CD86: variants seen among roughly 807,000 people sequenced by gnomAD.
CD86 encodes T-lymphocyte activation antigen CD86.
A neutral mutation model predicts 32.1 loss-of-function variants in CD86; 11 were observed. The ratio of observed to expected loss-of-function variants is 0.34; its 90% CI spans 0.22 to 0.57. The LOEUF (loss-of-function observed/expected upper bound fraction) is 0.57, where lower values mean the gene tolerates loss of function less well. Ranked by LOEUF, CD86 falls within the 20% of genes least tolerant of loss-of-function variation. The probability of loss-of-function intolerance (pLI) is 0.86; values close to 1 mark genes in which losing one functional copy is unlikely to be tolerated. For missense variants in CD86, 359 were observed against 398.4 expected (o/e 0.90, Z 0.84); for synonymous variants, 137 against 135.3 (o/e 1.01, Z -0.09).
Position 122,109,405 on chromosome 3 carries a change from T to C in CD86, c.844T>C (p.Cys282Arg). The change falls in exon 5 of 7, where the codon TGT becomes CGT. Residue 282 changes from cysteine (C) to arginine (R), a missense_variant. Cys to Arg is a radical substitution (Grantham distance 180). Transcript: ENST00000330540. ...GAAGCGGCCTCGCAACTCTTATAAA[T>C]GTGGTGAGTGAGTCCTTGTCCTCCC... ...KKKRPRNSYK[C>R]GTNTMEREES... 2 of 1,614,088 alleles carry C rather than the reference T, an allele frequency of 1.2e-6. No individual in the cohort carries two copies. Among genetic ancestry groups the C allele is most frequent in the Non-Finnish European group, 1.7e-6 (2 of 1,179,950 alleles).
chr3:122,068,318 G>T (rs555587872), intron 1 of CD86, among the ~76,000 whole-genome samples: 3 of 151,750 alleles, frequency 2.0e-5, no homozygotes, highest in African/African-American at 4.8e-5. Flanking sequence ...TGTTAGTTTT[G>T]TTATGTATTA....
At position 122,119,559 on chromosome 3, in the gene CD86, AT is replaced by A. The variant is rs761342273; in HGVS notation, c.*27del. ...ATTAAAGAGTAAAGCCCATACAAGT[AT>A]TCATTTTTTCTACCCTTTCCTTTGT... On this transcript the variant is annotated 3_prime_UTR_variant, in exon 7 of 7. Coordinates refer to ENST00000330540, the MANE Select transcript of CD86 (RefSeq NM_175862.5). 2.1e-6 allele frequency: 3 copies of A among 1,421,568 alleles called. No homozygotes were observed. In the South Asian group the frequency reaches 3.6e-5, roughly 17 times the overall value. 88.1% of individuals were successfully genotyped at this position (1,421,568 alleles called of 1,614,324 possible).
chr3:122,114,103 T>C (rs2073214718), intron 5 of CD86, among the ~76,000 whole-genome samples: 2 of 151,838 alleles, frequency 1.3e-5, no homozygotes, highest in Non-Finnish European at 2.9e-5. Context: ...ATACAAAAAT[T>C]AGCTGGGTGT....
intron 1 of CD86, among the ~76,000 whole-genome samples, chr3:122,082,060 A>C (rs917988229): frequency 2.0e-5 from 3 of 152,234 alleles, no homozygotes; most frequent in Non-Finnish European, 2.9e-5. Context: ...TGTAATGAGA[A>C]TCTTAGAGGT....
chr3:122,118,145 G>T lies in CD86; in HGVS notation c.893+52G>T, dbSNP rs769514787. 9 of 1,475,790 alleles carry T rather than the reference G, an allele frequency of 6.1e-6. No individual in the cohort carries two copies. In the East Asian group the frequency reaches 1.6e-4, roughly 26 times the overall value. The allele number at this position is 1,475,790 out of a possible 1,614,324, so 91.4% of individuals were successfully genotyped here. A position where few individuals can be genotyped will look rare whatever the true frequency, so the allele number is the denominator to read the frequency against. On this transcript the variant is annotated intron_variant, in intron 6 of 6. Transcript: ENST00000330540. ...GAGAGAGAGGTATAATCCCCAGAGT[G>T]CCTGTTACTTGAATAGGCTTATGCC...
chr3:122,118,176 T>C (rs1576790813), intron 6 of CD86, 83 bp downstream of exon 6: 1 of 1,155,284 alleles, frequency 8.7e-7, no homozygotes, highest in Non-Finnish European at 1.3e-6. Flanking sequence ...ATGCCTAACA[T>C]ATGTTGAGAC....
At chr3:122,112,652 A>G (rs943995202) in intron 5 of CD86, among the ~76,000 whole-genome samples, 2 of 152,212 alleles carry the variant, frequency 1.3e-5, no homozygotes, top group African/African-American at 4.8e-5. Flanking sequence ...CTGAATTTGT[A>G]AGCAAATTTA....
At chr3:122,099,503 C>G (rs1286172029) in intron 2 of CD86, among the ~76,000 whole-genome samples, 2 of 152,234 alleles carry the variant, frequency 1.3e-5, no homozygotes, top group Non-Finnish European at 2.9e-5. Flanking sequence ...AGACAGGACA[C>G]TGCAGATTTG....
At chr3:122,057,578 TC>T (rs2072256324) in intron 1 of CD86, among the ~76,000 whole-genome samples, 1 of 152,204 alleles carries the variant, frequency 6.6e-6, no homozygotes, top group East Asian at 1.9e-4. Context: ...TTGAATCCCA[TC>T]TGTAGGCAGA....
intron 2 of CD86, among the ~76,000 whole-genome samples, chr3:122,100,238 T>G (rs2072977748): frequency 6.6e-6 from 1 of 152,194 alleles, no homozygotes; most frequent in Admixed American, 6.5e-5. Context: ...AAGGTGGTAG[T>G]GACTTAGTAG....
intron 1 of CD86, among the ~76,000 whole-genome samples, chr3:122,074,928 G>A (rs1224298290): frequency 6.6e-6 from 1 of 152,106 alleles, no homozygotes; most frequent in Admixed American, 6.6e-5. Flanking sequence ...CACTGGGCTC[G>A]GCCTCTGGTC....
At chr3:122,099,136 G>C (rs2072956081) in intron 2 of CD86, among the ~76,000 whole-genome samples, 2 of 152,146 alleles carry the variant, frequency 1.3e-5, no homozygotes, top group Admixed American at 6.5e-5. Context: ...ATGCACTCAA[G>C]GTTACCAAAA....
intron 2 of CD86, 132 bp downstream of exon 2, chr3:122,091,782 A>C (rs946602523): frequency 5.8e-5 from 41 of 712,400 alleles, no homozygotes; most frequent in Non-Finnish European, 9.9e-5. Context: ...GACCACATGC[A>C]AAAAAGACTT....
chr3:122,107,487 T>A (rs2073110558), intron 4 of CD86, among the ~76,000 whole-genome samples: 1 of 152,208 alleles, frequency 6.6e-6, no homozygotes, highest in Non-Finnish European at 1.5e-5. Flanking sequence ...GAGCCTGACA[T>A]TTTAAAGTCC....
At chr3:122,100,728 G>GAAACAA (rs2072986732) in intron 2 of CD86, among the ~76,000 whole-genome samples, 1 of 152,142 alleles carries the variant, frequency 6.6e-6, no homozygotes, top group African/African-American at 2.4e-5. Context: ...TCCTTCAGCT[G>GAAACAA]ATTACGAAGG....
chr3:122,101,818 C>T (rs1559909991), intron 2 of CD86, among the ~76,000 whole-genome samples: 1 of 152,014 alleles, frequency 6.6e-6, no homozygotes, highest in Non-Finnish European at 1.5e-5. Flanking sequence ...TCAGGTTTGC[C>T]TTGTAAGGTG....
intron 1 of CD86, among the ~76,000 whole-genome samples, chr3:122,067,985 T>C (rs1355805084): frequency 6.6e-6 from 1 of 152,156 alleles, no homozygotes; most frequent in African/African-American, 2.4e-5. Context: ...AAATGTACAT[T>C]TTAAGTGTTC....
intron 4 of CD86, among the ~76,000 whole-genome samples, chr3:122,107,045 G>C (rs1171489039): frequency 6.6e-6 from 1 of 152,062 alleles, no homozygotes; most frequent in African/African-American, 2.4e-5. Flanking sequence ...ATTTTTAAAA[G>C]GTTGAATTGG....
chr3:122,086,539 T>C, intron 1 of CD86: 1 of 463,546 alleles, frequency 2.2e-6, no homozygotes, highest in Non-Finnish European at 4.3e-6. Context: ...CCAGAGCTCT[T>C]CTAGATATGG....
Sources: gnomAD v4.1 joint callset for allele counts (sites outside exome capture counted in the v4.1 genomes callset) on GRCh38, gnomAD v4.1.1 for gene constraint, MANE v1.5 for transcripts, NCBI Gene and HGNC (gene_info 2026-07-23, HGNC 2026-07-21) for gene names.